TUBGCP3: variants seen among roughly 807,000 people sequenced by gnomAD.
The protein encoded by TUBGCP3 is tubulin gamma complex component 3, also known as gamma-tubulin complex component 3.
A neutral mutation model predicts 123.1 loss-of-function variants in TUBGCP3; 50 were observed. The ratio of observed to expected loss-of-function variants is 0.41; its 90% CI spans 0.32 to 0.51. The LOEUF is 0.51. TUBGCP3 is among the 20% of genes least tolerant of loss of function. The probability of loss-of-function intolerance (pLI) is 0.36; values close to 1 mark genes in which losing one functional copy is unlikely to be tolerated. For missense variants in TUBGCP3, 882 were observed against 1,127.0 expected (o/e 0.78, Z 3.11); for synonymous variants, 405 against 413.9 (o/e 0.98, Z 0.26).
chr13:112,556,105 G>C lies in TUBGCP3; in HGVS notation c.668C>G (p.Pro223Arg), dbSNP rs758256143. Residue 223 changes from proline (P) to arginine (R), a missense_variant, in exon 6 of 22, where the codon CCC becomes CGC. This residue lies in a region of TUBGCP3 where 713 missense variants were observed against 874.0 expected (regional missense o/e 0.82). Coordinates refer to ENST00000261965, the MANE Select transcript of TUBGCP3 (RefSeq NM_006322.6). The part of the protein sequence containing the change: ...SSQATTSKGV[P>R]SAVSRNMTRS... Reference sequence around the variant, plus strand: ...TGTCATGTTGCGAGACACAGCACTGGGGACACCTTTTGAGGTAGTGGCTTG... The same window carrying C: ...TGTCATGTTGCGAGACACAGCACTGCGGACACCTTTTGAGGTAGTGGCTTG... 1.2e-6 allele frequency: 2 copies of C among 1,614,078 alleles called. No individual in the cohort carries two copies. The highest frequency in any genetic ancestry group is 1.7e-6 in the Non-Finnish European group (2 of 1,180,008).
chr13:112,523,745 C>T (rs1028434849), intron 13 of TUBGCP3, among the ~76,000 whole-genome samples: 9 of 152,204 alleles, frequency 5.9e-5, no homozygotes, highest in African/African-American at 1.9e-4. Flanking sequence ...AGAGCCTCCT[C>T]GGAACTCTCT....
the TUBGCP3 span, among the ~76,000 whole-genome samples, chr13:112,600,053 A>G: frequency 7.2e-5 from 11 of 152,286 alleles, no homozygotes; most frequent in Admixed American, 5.9e-4. Flanking sequence ...AAGACTACGA[A>G]TCCCACACTT....
At chr13:112,522,597 G>C in intron 13 of TUBGCP3, 88 bp from the exon 14 acceptor site, 1 of 1,332,792 alleles carries the variant, frequency 7.5e-7, no homozygotes, top group Non-Finnish European at 1.0e-6. Context: ...TCCAGACTCA[G>C]GGCCAACCAC....
At chr13:112,502,943 T>C (rs1881031359) in intron 19 of TUBGCP3, among the ~76,000 whole-genome samples, 1 of 152,224 alleles carries the variant, frequency 6.6e-6, no homozygotes, top group Non-Finnish European at 1.5e-5. Flanking sequence ...ACACTCCATA[T>C]AGAAGCAGCT....
chr13:112,603,717 C>G, the TUBGCP3 span: 1 of 151,964 alleles, frequency 6.6e-6, no homozygotes, highest in African/African-American at 2.4e-5. Flanking sequence ...ATGAGTGAAA[C>G]TCCATCTCAA....
chr13:112,513,398 A>G (rs1285878287), intron 17 of TUBGCP3, among the ~76,000 whole-genome samples: 1 of 152,246 alleles, frequency 6.6e-6, no homozygotes, highest in African/African-American at 2.4e-5. Flanking sequence ...TCTGCTTGGT[A>G]GATCATGATC....
At position 112,580,415 on chromosome 13, in the gene TUBGCP3, T is replaced by C. The variant is rs115823193; in HGVS notation, c.76+7490A>G. Among the ~76,000 whole-genome samples, 966 of 152,166 alleles carry C rather than the reference T, an allele frequency of 6.3e-3. 8 individuals are homozygous for C. The highest frequency in any genetic ancestry group is 0.022 in the African/African-American group (904 of 41,494). On this transcript the variant is annotated intron_variant, in intron 1 of 21. Coordinates refer to ENST00000261965, the MANE Select transcript of TUBGCP3 (RefSeq NM_006322.6). ...CTTTCAGGGGCTGAGGTGGATCACT[T>C]GAGCCCAGGAGTTTGCGACCAGCCT...
chr13:112,553,353 T>C (rs891703253), intron 8 of TUBGCP3, among the ~76,000 whole-genome samples: 2 of 152,262 alleles, frequency 1.3e-5, no homozygotes, highest in Admixed American at 6.5e-5. Flanking sequence ...GCTGAGCTTA[T>C]AGTACACAGT....
At position 112,524,853 on chromosome 13, in the gene TUBGCP3, G is replaced by A. The variant is rs1306843565; in HGVS notation, c.1555+2089C>T. On this transcript the variant is annotated intron_variant, in intron 13 of 21. Transcript: ENST00000261965. The surrounding 1 kb of genome is among the most constrained non-coding windows in gnomAD (Gnocchi z 4.4). ...AGTATAGCATTTCCAATACATGCTGGAAGCTTCCACTAGTAAGTCCTCTCA... is the reference window on the plus strand; with the variant it reads ...AGTATAGCATTTCCAATACATGCTGAAAGCTTCCACTAGTAAGTCCTCTCA... 1.3e-5 allele frequency among the ~76,000 whole-genome samples: 2 copies of A among 152,110 alleles called. No homozygotes were observed. Among genetic ancestry groups the A allele is most frequent in the African/African-American group, 4.8e-5 (2 of 41,400 alleles).
rs552934276 is a variant in TUBGCP3, at chr13:112,564,645, G to A, written c.252+466C>T. Among the ~76,000 whole-genome samples, 367 of 151,594 alleles carry A rather than the reference G, an allele frequency of 2.4e-3. 2 individuals carry two copies. Among genetic ancestry groups the A allele is most frequent in the African/African-American group, 8.2e-3 (339 of 41,288 alleles). On this transcript the variant is annotated intron_variant, in intron 3 of 21. Coordinates refer to ENST00000261965, the MANE Select transcript of TUBGCP3 (RefSeq NM_006322.6). ...AGCCTGGGGAACACAGCGAAGCTGC[G>A]TCTCAAAAGAAAAAAAAAAGGTTAG...
chr13:112,562,251 C>T (rs536951950), intron 3 of TUBGCP3, among the ~76,000 whole-genome samples: 2 of 151,888 alleles, frequency 1.3e-5, no homozygotes, highest in East Asian at 3.9e-4. Context: ...TAGGGAATAC[C>T]ACCAGCCAGG....
intron 20 of TUBGCP3, chr13:112,498,807 T>G: frequency 6.4e-7 from 1 of 1,555,454 alleles, no homozygotes; most frequent in East Asian, 2.4e-5. Flanking sequence ...AGATTTGTAA[T>G]TCTCATGAAT....
intron 11 of TUBGCP3, chr13:112,544,452 C>CCAA (rs1878818539): frequency 2.0e-5 from 1 of 49,196 alleles, no homozygotes; most frequent in African/African-American, 7.5e-5. Context: ...GACTCTGTCT[C>CCAA]AAAAAAAAAA....
At chr13:112,505,575 C>G (rs768576416) in intron 17 of TUBGCP3, among the ~76,000 whole-genome samples, 36 of 152,216 alleles carry the variant, frequency 2.4e-4, no homozygotes, top group Admixed American at 9.2e-4. Context: ...AGTGGCAATG[C>G]ATACTTTTTA....
At chr13:112,583,536 T>C (rs1882410453) in intron 1 of TUBGCP3, among the ~76,000 whole-genome samples, 1 of 152,146 alleles carries the variant, frequency 6.6e-6, no homozygotes, top group Non-Finnish European at 1.5e-5. Flanking sequence ...CCAAGAGCTT[T>C]TAAACAAAAA....
At chr13:112,527,510 T>C in intron 11 of TUBGCP3, 26 bp from the exon 12 acceptor site, 1 of 1,523,266 alleles carries the variant, frequency 6.6e-7, no homozygotes, top group Non-Finnish European at 9.1e-7. Flanking sequence ...CATGGAAATG[T>C]TCAAGAGTGA....
intron 8 of TUBGCP3, among the ~76,000 whole-genome samples, chr13:112,548,772 A>T (rs1256664666): frequency 6.6e-6 from 1 of 152,232 alleles, no homozygotes; most frequent in Non-Finnish European, 1.5e-5. Flanking sequence ...CATGCAAATC[A>T]AACCACAATG....
chr13:112,532,213 T>G (rs1877638035), intron 11 of TUBGCP3, among the ~76,000 whole-genome samples: 1 of 152,166 alleles, frequency 6.6e-6, no homozygotes, highest in South Asian at 2.1e-4. Flanking sequence ...AAAGGATAAT[T>G]TACAGGGTAA....
intron 11 of TUBGCP3, among the ~76,000 whole-genome samples, chr13:112,534,963 T>A (rs1032892986): frequency 2.6e-5 from 4 of 152,156 alleles, no homozygotes; most frequent in African/African-American, 9.7e-5. Context: ...CCAGCCCCAG[T>A]CCCTGACAAC....
Sources: allele counts gnomAD v4.1 joint callset (sites outside exome capture counted in the v4.1 genomes callset), GRCh38; gene constraint gnomAD v4.1.1; regional missense constraint gnomAD v4.1.1; non-coding constraint Gnocchi (gnomAD v3.1); transcripts MANE v1.5; gene names NCBI Gene and HGNC (gene_info 2026-07-23, HGNC 2026-07-21).